The following BICD1 variants were observed in gnomAD, a reference collection of about 807,000 sequenced individuals.
BICD1 encodes the protein protein bicaudal D homolog 1.
In BICD1, 35 loss-of-function variants were observed where a neutral mutation model predicts 92.5. The ratio of observed to expected loss-of-function variants is 0.38; its 90% CI spans 0.29 to 0.50. The LOEUF (loss-of-function observed/expected upper bound fraction) is 0.50. Ranked by LOEUF, BICD1 falls within the 20% of genes least tolerant of loss-of-function variation. BICD1 has a pLI of 0.93. For missense variants in BICD1, 950 were observed against 1,189.8 expected, an observed-to-expected ratio of 0.80 and a Z score of 2.97; for synonymous variants, 429 against 465.1, an observed-to-expected ratio of 0.92 and a Z score of 1.00.
At chr12:32,278,242 A>G (rs75263448) in intron 2 of BICD1, among the ~76,000 whole-genome samples, 7,566 of 152,284 alleles carry the variant, frequency 0.05, 264 homozygotes, top group Middle Eastern at 0.11. Flanking sequence ...CTTTTATTGT[A>G]GTAATTGTGG....
In BICD1 at chr12:32,233,322, T is replaced by TTAAAAAAAAAAAAAAAAAA. The variant is rs35803631; in HGVS notation, c.426+16863_426+16864insTAAAAAAAAAAAAAAAAAA. ...GGATGACAGAGCAAGAGTCTGTCTT[T>TTAAAAAAAAAAAAAAAAAA]AAAAAAAAAAAAAAAAAAGTAGGCT... On this transcript the variant is annotated intron_variant, in intron 2 of 9. Transcript: ENST00000652176. Among the ~76,000 whole-genome samples, 2 of 127,080 alleles carry TTAAAAAAAAAAAAAAAAAA rather than the reference T, an allele frequency of 1.6e-5. 1 individual carries two copies. 83.4% of individuals were successfully genotyped at this position (127,080 alleles called of 152,430 possible).
chr12:32,333,498 C>T (rs567090702), intron 5 of BICD1, among the ~76,000 whole-genome samples: 2 of 150,834 alleles, frequency 1.3e-5, no homozygotes, highest in African/African-American at 2.5e-5. Flanking sequence ...CTGCCCATTT[C>T]AAGCAACAAA....
intron 8 of BICD1, among the ~76,000 whole-genome samples, chr12:32,351,487 C>CAAAAAAA (rs35002678): frequency 1.0e-4 from 6 of 57,208 alleles, no homozygotes; most frequent in African/African-American, 1.5e-4. Context: ...GACTCTGTCT[C>CAAAAAAA]AAAAAAAAAA....
chr12:32,258,396 A>G (rs1592570149), intron 2 of BICD1, among the ~76,000 whole-genome samples: 2 of 152,124 alleles, frequency 1.3e-5, no homozygotes, highest in African/African-American at 2.4e-5. Flanking sequence ...TTGATATGCT[A>G]TTATTTTAAA....
At chr12:32,214,387 C>G (rs1201797845) in intron 1 of BICD1, among the ~76,000 whole-genome samples, 1 of 152,066 alleles carries the variant, frequency 6.6e-6, no homozygotes, top group Non-Finnish European at 1.5e-5. Flanking sequence ...GTCTGTATAT[C>G]CAGACACATG....
chr12:32,224,298 G>C (rs1945620488), intron 2 of BICD1, among the ~76,000 whole-genome samples: 1 of 152,214 alleles, frequency 6.6e-6, no homozygotes, highest in Admixed American at 6.5e-5. Flanking sequence ...GTGAAGAACT[G>C]TTGTTGTTTT....
chr12:32,182,728 T>C (rs997987550), intron 1 of BICD1, among the ~76,000 whole-genome samples: 1 of 151,840 alleles, frequency 6.6e-6, no homozygotes, highest in African/African-American at 2.4e-5. Context: ...TTTTTATTTA[T>C]AAAAGTATGA....
At chr12:32,182,278 CTTTTTTTTTTT>C (rs759328721) in intron 1 of BICD1, among the ~76,000 whole-genome samples, 2 of 81,422 alleles carry the variant, frequency 2.5e-5, no homozygotes, top group Admixed American at 3.5e-4. Context: ...TTCTTTCTTT[CTTTTTTTTTTT>C]TTTTTTTTTT....
In BICD1 at chr12:32,381,895, C is replaced by G. The variant is rs1409951463; in HGVS notation, c.*4268C>G. ...TATATTTAAGGCTGCAAAAAATGTACAAGAGTATGTTTTCAAGTAAAGGGA... is the reference window on the plus strand; with the variant it reads ...TATATTTAAGGCTGCAAAAAATGTAGAAGAGTATGTTTTCAAGTAAAGGGA... On this transcript the variant is annotated 3_prime_UTR_variant, in exon 10 of 10. Transcript: ENST00000652176. 1 of 151,942 alleles carries G rather than the reference C, an allele frequency of 6.6e-6. No homozygotes were observed. Among genetic ancestry groups the G allele is most frequent in the Non-Finnish European group, 1.5e-5 (1 of 67,922 alleles). The allele number at this position is 151,942 out of a possible 1,614,324, so 9.4% of individuals were successfully genotyped here. A position where few individuals can be genotyped will look rare whatever the true frequency, so the allele number is the denominator to read the frequency against.
Position 32,305,913 on chromosome 12 carries a change from T to A in BICD1, c.796T>A (p.Ser266Thr). 2 of 1,614,122 alleles carry A rather than the reference T, an allele frequency of 1.2e-6. No individual in the cohort carries two copies. Among genetic ancestry groups the A allele is most frequent in the Non-Finnish European group, 1.7e-6 (2 of 1,180,018 alleles). The change falls in exon 4 of 10, where the codon TCA becomes ACA. Residue 266 changes from serine to threonine, a missense_variant. Ser to Thr is a moderately conservative substitution (Grantham distance 58). Transcript: ENST00000652176. Reference sequence around the variant, plus strand: ...CCTCAATGATAACCATATCAGCATCTCAGTAGATGGACTCAAATTTGCCGA... The same window carrying A: ...CCTCAATGATAACCATATCAGCATCACAGTAGATGGACTCAAATTTGCCGA... ...ISLNDNHISI[S>T]VDGLKFAEDG...
chr12:32,217,696 A>G (rs919992043), intron 2 of BICD1, among the ~76,000 whole-genome samples: 6 of 152,212 alleles, frequency 3.9e-5, no homozygotes, highest in African/African-American at 1.4e-4. Context: ...CAACGTGAAC[A>G]ACTGTTAAAA....
At chr12:32,281,179 C>T (rs1947402722) in intron 2 of BICD1, among the ~76,000 whole-genome samples, 1 of 152,174 alleles carries the variant, frequency 6.6e-6, no homozygotes, top group African/African-American at 2.4e-5. Flanking sequence ...ATTACTCTTT[C>T]CCAGCTATGA....
At chr12:32,228,563 G>A (rs1945775694) in intron 2 of BICD1, among the ~76,000 whole-genome samples, 1 of 152,200 alleles carries the variant, frequency 6.6e-6, no homozygotes, top group African/African-American at 2.4e-5. Flanking sequence ...GGCAAGGATA[G>A]GAATGTGAGG....
intron 1 of BICD1, among the ~76,000 whole-genome samples, chr12:32,155,938 T>A (rs9804872): frequency 0.12 from 18,311 of 152,208 alleles, 1,342 homozygotes; most frequent in South Asian, 0.21. Flanking sequence ...ATCTAGCAAT[T>A]CTGCAGACCA....
chr12:32,131,024 G>A (rs1435730156), intron 1 of BICD1, among the ~76,000 whole-genome samples: 1 of 151,890 alleles, frequency 6.6e-6, no homozygotes, highest in African/African-American at 2.4e-5. Flanking sequence ...TAGTAGAGAC[G>A]GGGTTTCGTC....
intron 3 of BICD1, among the ~76,000 whole-genome samples, chr12:32,297,341 C>T (rs910078128): frequency 2.6e-5 from 4 of 152,082 alleles, no homozygotes; most frequent in African/African-American, 9.7e-5. Context: ...GGATTACAGG[C>T]GTGTGCCACC....
At chr12:32,346,612 ACG>A (rs1491121683) in intron 8 of BICD1, among the ~76,000 whole-genome samples, 27 of 1,480 alleles carry the variant, frequency 0.018, 1 homozygote, top group South Asian at 0.056. Flanking sequence ...ATATATATAT[ACG>A]TGTATATATA....
intron 3 of BICD1, among the ~76,000 whole-genome samples, chr12:32,304,346 CAT>C (rs1251046163): frequency 6.6e-6 from 1 of 152,142 alleles, no homozygotes; most frequent in African/African-American, 2.4e-5. Flanking sequence ...AAACTAAGCA[CAT>C]AGTTTGTATT....
At chr12:32,146,337 A>G (rs763005017) in intron 1 of BICD1, among the ~76,000 whole-genome samples, 33 of 152,178 alleles carry the variant, frequency 2.2e-4, no homozygotes, top group Non-Finnish European at 4.3e-4. Context: ...GAGCTCAGAT[A>G]GAGATCATGG....
Sources: allele counts gnomAD v4.1 joint callset (sites outside exome capture counted in the v4.1 genomes callset), GRCh38; gene constraint gnomAD v4.1.1; transcripts MANE v1.5; gene names NCBI Gene and HGNC (gene_info 2026-07-23, HGNC 2026-07-21).